Variants in TPRG1 observed in about 807,000 individuals in gnomAD.
The protein encoded by TPRG1 is tumor protein p63-regulated gene 1 protein.
TPRG1 carries 29 observed loss-of-function variants against 29.3 expected under a neutral mutation model. The ratio of observed to expected loss-of-function variants is 0.99; its 90% confidence interval spans 0.74 to 1.35. TPRG1 has a LOEUF of 1.35. Among genes scored for constraint, TPRG1 ranks in the 40% most tolerant of loss-of-function variants. The pLI, the probability that TPRG1 is intolerant of heterozygous loss-of-function variation, is 0.00. For missense variants in TPRG1, 327 were observed against 335.0 expected (o/e 0.98, Z 0.19); for synonymous variants, 130 against 116.8 (o/e 1.11, Z -0.73).
chr3:189,259,847 G>A (rs758950933), intron 4 of TPRG1, among the ~76,000 whole-genome samples: 1 of 152,076 alleles, frequency 6.6e-6, no homozygotes, highest in Non-Finnish European at 1.5e-5. Context: ...GTATGCAATC[G>A]TGGAAACAGA....
chr3:189,226,217 A>G (rs1352676952), intron 3 of TPRG1, among the ~76,000 whole-genome samples: 1 of 152,242 alleles, frequency 6.6e-6, no homozygotes, highest in Non-Finnish European at 1.5e-5. Flanking sequence ...TTAAGCATCT[A>G]CATTACATAC....
intron 1 of TPRG1, among the ~76,000 whole-genome samples, chr3:189,125,232 CTTG>C (rs1450832422): frequency 6.6e-6 from 1 of 152,116 alleles, no homozygotes; most frequent in African/African-American, 2.4e-5. Flanking sequence ...AAGTCAAATC[CTTG>C]TTGTTCCACA....
intron 4 of TPRG1, among the ~76,000 whole-genome samples, chr3:189,270,722 A>G (rs1162038939): frequency 6.6e-6 from 1 of 152,200 alleles, no homozygotes; most frequent in African/African-American, 2.4e-5. Context: ...GACTTCAAAT[A>G]TCATCACTAT....
At chr3:189,002,055 C>A (rs1036232543) in intron 2 of TPRG1, among the ~76,000 whole-genome samples, 1 of 152,218 alleles carries the variant, frequency 6.6e-6, no homozygotes, top group Admixed American at 6.5e-5. Context: ...GTTAACGTGG[C>A]CTTTGGCTTA....
intron 4 of TPRG1, among the ~76,000 whole-genome samples, chr3:189,148,270 C>T (rs1246660528): frequency 6.6e-6 from 1 of 152,186 alleles, no homozygotes; most frequent in African/African-American, 2.4e-5. Context: ...TAGAAGGGGC[C>T]AGGCAACTCC....
chr3:189,068,475 TA>T (rs1486370806), intron 4 of TPRG1, among the ~76,000 whole-genome samples: 1 of 152,034 alleles, frequency 6.6e-6, no homozygotes, highest in Non-Finnish European at 1.5e-5. Flanking sequence ...TAGTCAGCCA[TA>T]AAAAAGAACA....
Position 189,014,035 on chromosome 3 carries a change from A to T in TPRG1, c.-660+9275A>T, listed in dbSNP as rs9290888. Among the ~76,000 whole-genome samples, 329 of 152,132 alleles carry T rather than the reference A, an allele frequency of 2.2e-3. 2 individuals carry two copies. The highest frequency in any genetic ancestry group is 7.7e-3 in the African/African-American group (318 of 41,514). On this transcript the variant is annotated intron_variant, in intron 3 of 10. Transcript: ENST00000433971. ...GTTAGTATTGTTATGTGTGAATTTGATCCTGCCATCATGATGCTAGCTGGT... is the reference window on the plus strand; with the variant it reads ...GTTAGTATTGTTATGTGTGAATTTGTTCCTGCCATCATGATGCTAGCTGGT...
intron 4 of TPRG1, among the ~76,000 whole-genome samples, chr3:189,045,851 G>C (rs1331808307): frequency 2.0e-5 from 3 of 152,230 alleles, no homozygotes; most frequent in African/African-American, 7.2e-5. Flanking sequence ...CTGCTGCAGA[G>C]GCTTGGCATT....
At chr3:189,158,323 G>A (rs531375567) in intron 5 of TPRG1, among the ~76,000 whole-genome samples, 27 of 152,052 alleles carry the variant, frequency 1.8e-4, no homozygotes, top group Non-Finnish European at 4.0e-4. Context: ...AAAACTTGCA[G>A]TGGGGCTGGG....
intron 1 of TPRG1, among the ~76,000 whole-genome samples, chr3:189,188,824 T>C (rs1286360886): frequency 6.6e-6 from 1 of 152,230 alleles, no homozygotes; most frequent in Non-Finnish European, 1.5e-5. Context: ...TTTTCCTGTA[T>C]GCAGCCTTTG....
intron 4 of TPRG1, among the ~76,000 whole-genome samples, chr3:189,288,583 G>C (rs1718469328): frequency 6.6e-6 from 1 of 152,178 alleles, no homozygotes; most frequent in African/African-American, 2.4e-5. Flanking sequence ...CTTAACTCCA[G>C]CTAACCTTTG....
rs185571336 is a variant in TPRG1 at position 189,108,814 on chromosome 3, C to T, written c.-744+8610C>T. 4.5e-4 allele frequency among the ~76,000 whole-genome samples: 68 copies of T among 152,170 alleles called. 1 individual carries two copies. In the East Asian group the frequency reaches 6.0e-3, roughly 13 times the overall value. Reference sequence around the variant, plus strand: ...AAAAGAGAGTGCAATAAAGGTAGCGCCTTTAAAAAACTTTTAAGCAGGTGA... The same window carrying T: ...AAAAGAGAGTGCAATAAAGGTAGCGTCTTTAAAAAACTTTTAAGCAGGTGA... On this transcript the variant is annotated intron_variant, in intron 1 of 6. Transcript: ENST00000412373.
At chr3:189,024,907 C>T in intron 4 of TPRG1, among the ~76,000 whole-genome samples, 1 of 152,214 alleles carries the variant, frequency 6.6e-6, no homozygotes, top group Non-Finnish European at 1.5e-5. Context: ...GACAGAGCCC[C>T]CAGGGGCTTC....
chr3:189,157,037 G>T (rs1726780848), intron 5 of TPRG1, among the ~76,000 whole-genome samples: 1 of 152,278 alleles, frequency 6.6e-6, no homozygotes, highest in East Asian at 1.9e-4. Context: ...CCAGGGAGTT[G>T]GAGCGCCTGG....
chr3:189,218,207 G>A (rs1368771913), intron 3 of TPRG1, among the ~76,000 whole-genome samples: 1 of 152,018 alleles, frequency 6.6e-6, no homozygotes, highest in African/African-American at 2.4e-5. Context: ...CTGCCTCCCG[G>A]GGTTCACACC....
intron 4 of TPRG1, among the ~76,000 whole-genome samples, chr3:189,039,974 G>A (rs950227011): frequency 6.6e-6 from 1 of 152,002 alleles, no homozygotes; most frequent in African/African-American, 2.4e-5. Flanking sequence ...TAAACCTCAA[G>A]AATCTACTGG....
chr3:189,156,720 G>A (rs569756445), intron 5 of TPRG1, among the ~76,000 whole-genome samples: 31 of 152,278 alleles, frequency 2.0e-4, no homozygotes, highest in African/African-American at 7.0e-4. Context: ...CACCCTCTTT[G>A]CAGCCTCTAT....
At chr3:189,060,808 T>C (rs905636046) in intron 4 of TPRG1, among the ~76,000 whole-genome samples, 3 of 152,078 alleles carry the variant, frequency 2.0e-5, no homozygotes, top group East Asian at 3.9e-4. Flanking sequence ...CACAAACATA[T>C]GGAAAATCAT....
intron 4 of TPRG1, among the ~76,000 whole-genome samples, chr3:189,067,523 G>C (rs897209782): frequency 6.6e-6 from 1 of 152,100 alleles, no homozygotes; most frequent in Admixed American, 6.6e-5. Context: ...TCACACATCT[G>C]CAGTGAACTC....
Sources: gnomAD v4.1 joint callset for allele counts (sites outside exome capture counted in the v4.1 genomes callset) on GRCh38, gnomAD v4.1.1 for gene constraint, MANE v1.5 for transcripts, NCBI Gene and HGNC (gene_info 2026-07-23, HGNC 2026-07-21) for gene names.